Variants in TLE1 observed in about 807,000 individuals in gnomAD.
TLE1 encodes transducin-like enhancer protein 1.
Under a neutral mutation model 89.8 loss-of-function variants are expected in TLE1, and 21 were observed. The observed-to-expected ratio is 0.23, with a 90% CI of 0.17 to 0.34. TLE1 has a LOEUF of 0.34. Ranked by LOEUF, TLE1 falls within the 10% of genes least tolerant of loss-of-function variation. TLE1 has a pLI of 1.00. For synonymous variants in TLE1, 447 were observed against 407.6 expected, an observed-to-expected ratio of 1.10 and a Z score of -1.16; for missense variants, 795 against 1,031.2, an observed-to-expected ratio of 0.77 and a Z score of 3.14.
intron 6 of TLE1, 119 bp downstream of exon 6, chr9:81,652,095 C>A: frequency 2.4e-6 from 2 of 844,530 alleles, no homozygotes; most frequent in South Asian, 2.1e-5. Flanking sequence ...TCAAATAGGT[C>A]AACGTTAAGA....
chr9:81,673,756 C>T (rs1030812244), intron 4 of TLE1, among the ~76,000 whole-genome samples: 4 of 152,096 alleles, frequency 2.6e-5, no homozygotes, highest in Non-Finnish European at 4.4e-5. Context: ...GGGAGCTCCA[C>T]GGATGGGGGC....
At chr9:81,680,169 TAC>T (rs992498640) in intron 4 of TLE1, among the ~76,000 whole-genome samples, 4 of 152,170 alleles carry the variant, frequency 2.6e-5, no homozygotes, top group Admixed American at 2.6e-4. Context: ...ACCCTCATTA[TAC>T]AGAGAGGGGA....
At chr9:81,671,630 G>A (rs1049389494) in intron 4 of TLE1, among the ~76,000 whole-genome samples, 14 of 151,530 alleles carry the variant, frequency 9.2e-5, no homozygotes, top group Admixed American at 6.6e-4. Context: ...GGGCGACAGA[G>A]TGAGACTCCG....
intron 4 of TLE1, among the ~76,000 whole-genome samples, chr9:81,684,622 G>A (rs1247718395): frequency 6.6e-6 from 1 of 152,208 alleles, no homozygotes. Context: ...CAGCCGGTCA[G>A]CCATGCTCTT....
intron 4 of TLE1, among the ~76,000 whole-genome samples, chr9:81,666,796 T>TA (rs1344813177): frequency 1.3e-5 from 2 of 148,792 alleles, no homozygotes; most frequent in African/African-American, 2.5e-5. Flanking sequence ...AATAAATAAA[T>TA]AAATAAATAA....
Position 81,634,230 on chromosome 9 carries a change from C to T in TLE1, c.444G>A (p.Ser148=), listed in dbSNP as rs766361312. Residue 148 remains serine (S), a synonymous_variant, in exon 7 of 20, where the codon TCG becomes TCA. Transcript: ENST00000376499. The stretch of plus-strand genomic sequence containing the variant: ...GCGGGATTCCAGGAGGCTGAAGTCC[C>T]GAAGGGTGAGGCGTAAGGGGAACTG... ...GPPVPLTPHP[S]GLQPPGIPPL... is the part of the protein sequence containing the mutation. 4.4e-6 allele frequency: 7 copies of T among 1,587,640 alleles called. No individual in the cohort carries two copies. In the East Asian group the frequency reaches 6.8e-5, roughly 15 times the overall value.
chr9:81,668,999 C>T (rs1831862347), intron 4 of TLE1, among the ~76,000 whole-genome samples: 3 of 152,144 alleles, frequency 2.0e-5, no homozygotes, highest in Admixed American at 2.0e-4. Context: ...CATGTCAATT[C>T]TCGTTTCCCA....
At chr9:81,654,069 T>C (rs1829870997) in intron 4 of TLE1, 33 bp from the exon 5 acceptor site, 5 of 1,607,076 alleles carry the variant, frequency 3.1e-6, no homozygotes, top group Non-Finnish European at 4.3e-6. Context: ...ATGTTTAGAA[T>C]ACTTCACAAT....
At chr9:81,669,618 CCCA>C (rs1012590907) in intron 4 of TLE1, among the ~76,000 whole-genome samples, 8 of 152,130 alleles carry the variant, frequency 5.3e-5, no homozygotes, top group African/African-American at 1.9e-4. Context: ...ACCCTCCCCC[CCCA>C]CACCAAAAGA....
At chr9:81,666,168 A>T (rs566562205) in intron 4 of TLE1, among the ~76,000 whole-genome samples, 2 of 152,280 alleles carry the variant, frequency 1.3e-5, no homozygotes, top group East Asian at 3.9e-4. Context: ...GGATGGAAAA[A>T]GGACAGCTTT....
At chr9:81,642,834 T>C (rs1828324361) in intron 6 of TLE1, among the ~76,000 whole-genome samples, 2 of 152,226 alleles carry the variant, frequency 1.3e-5, no homozygotes, top group African/African-American at 4.8e-5. Flanking sequence ...CCCAAATGTC[T>C]GTTGATGGAT....
chr9:81,681,302 C>A (rs553891164), intron 4 of TLE1, among the ~76,000 whole-genome samples: 2 of 152,270 alleles, frequency 1.3e-5, no homozygotes, highest in Admixed American at 1.3e-4. Flanking sequence ...GTAATCCCAG[C>A]ACTTTGCGAA....
intron 6 of TLE1, among the ~76,000 whole-genome samples, chr9:81,636,386 G>A (rs1827362844): frequency 7.0e-6 from 1 of 143,606 alleles, no homozygotes; most frequent in African/African-American, 2.6e-5. Context: ...ATGAGGAACA[G>A]GACTGCCCTA....
At chr9:81,655,785 C>T (rs560829373) in intron 4 of TLE1, among the ~76,000 whole-genome samples, 35 of 149,786 alleles carry the variant, frequency 2.3e-4, no homozygotes, top group Non-Finnish European at 3.8e-4. Context: ...GGAACAAAGT[C>T]GAGCCTGCGG....
At chr9:81,665,584 T>C (rs1206204036) in intron 4 of TLE1, among the ~76,000 whole-genome samples, 1 of 152,148 alleles carries the variant, frequency 6.6e-6, no homozygotes, top group Non-Finnish European at 1.5e-5. Flanking sequence ...TCCCATTCTC[T>C]AGCTCCTCGT....
chr9:81,645,233 T>C (rs1293359494), intron 6 of TLE1, among the ~76,000 whole-genome samples: 3 of 148,016 alleles, frequency 2.0e-5, no homozygotes. Flanking sequence ...GTGGCGCATG[T>C]CTGTAATCCC....
intron 6 of TLE1, among the ~76,000 whole-genome samples, chr9:81,647,034 T>G (rs187419581): frequency 2.0e-5 from 3 of 149,138 alleles, no homozygotes; most frequent in East Asian, 2.0e-4. Flanking sequence ...AATTTCATGG[T>G]TTTTTTTTTC....
intron 6 of TLE1, among the ~76,000 whole-genome samples, chr9:81,644,085 T>C (rs796583087): frequency 4.6e-5 from 7 of 152,306 alleles, no homozygotes; most frequent in African/African-American, 1.7e-4. Context: ...ATAAAAAAGA[T>C]GGACAGGAAA....
intron 8 of TLE1, among the ~76,000 whole-genome samples, chr9:81,629,963 T>A (rs1470703010): frequency 6.6e-6 from 1 of 152,134 alleles, no homozygotes; most frequent in Non-Finnish European, 1.5e-5. Flanking sequence ...TACCATAAAA[T>A]CTTTAACTAG....
Sources: gnomAD v4.1 joint callset for allele counts (sites outside exome capture counted in the v4.1 genomes callset) on GRCh38, gnomAD v4.1.1 for gene constraint, MANE v1.5 for transcripts, NCBI Gene and HGNC (gene_info 2026-07-23, HGNC 2026-07-21) for gene names.